STK38L: variants seen among roughly 807,000 people sequenced by gnomAD.
The protein encoded by STK38L is serine/threonine-protein kinase 38-like.
A neutral mutation model predicts 59.7 loss-of-function variants in STK38L; 28 were observed. That is an observed-to-expected ratio of 0.47 (90% CI 0.35 to 0.64). STK38L has a LOEUF of 0.64. Among genes scored for constraint, STK38L ranks in the 30% least tolerant of loss-of-function variants. STK38L has a pLI of 0.01. For synonymous variants in STK38L, 162 were observed against 176.8 expected (o/e 0.92, Z 0.66); for missense variants, 314 against 555.8 (o/e 0.56, Z 4.37).
intron 11 of STK38L, among the ~76,000 whole-genome samples, chr12:27,318,340 A>G (rs1400443985): frequency 6.6e-6 from 1 of 152,220 alleles, no homozygotes; most frequent in East Asian, 1.9e-4. Context: ...CCTGTCATGA[A>G]AAGTATATAT....
In STK38L at chr12:27,324,350, CCCA is replaced by C. The variant is rs1040381460; in HGVS notation, c.*1897_*1899del. On this transcript the variant is annotated 3_prime_UTR_variant, in exon 14 of 14. Transcript: ENST00000389032. ...GCTGAGGTTTATGAGATTTTCTCAC[CCCA>C]CATCGCTCCCCTTTTTTTAAAAAGG... is the stretch of plus-strand genomic sequence containing the variant. 14 of 151,858 alleles carry C rather than the reference CCCA, an allele frequency of 9.2e-5. No homozygotes were observed. Among genetic ancestry groups the C allele is most frequent in the African/African-American group, 3.4e-4 (14 of 41,348 alleles). The allele number at this position is 151,858 out of a possible 1,614,324, so 9.4% of individuals were successfully genotyped here. A position where few individuals can be genotyped will look rare whatever the true frequency, so the allele number is the denominator to read the frequency against.
In STK38L at chr12:27,271,535, G is replaced by GT. The variant is rs1943422767; in HGVS notation, c.-11-26175_-11-26174insT. Among the ~76,000 whole-genome samples, 4 of 152,106 alleles carry GT rather than the reference G, an allele frequency of 2.6e-5. No homozygotes were observed. In the South Asian group the frequency reaches 8.3e-4, roughly 32 times the overall value. On this transcript the variant is annotated intron_variant, in intron 1 of 13. Transcript: ENST00000389032. ...CTATATATGCCATATGCAGATGTTT[G>GT]GGGGGTAGTTAGTAGAGAATGGTTT...
chr12:27,303,967 A>T (rs898268262), intron 3 of STK38L, among the ~76,000 whole-genome samples: 1 of 152,166 alleles, frequency 6.6e-6, no homozygotes, highest in African/African-American at 2.4e-5. Flanking sequence ...AACCCAGATT[A>T]ATTAGTTTAA....
intron 1 of STK38L, among the ~76,000 whole-genome samples, chr12:27,253,282 TA>T (rs1443164495): frequency 3.3e-5 from 5 of 152,314 alleles, no homozygotes; most frequent in Admixed American, 1.3e-4. Context: ...CTTGGTACAT[TA>T]ATTACTTAGA....
intron 1 of STK38L, among the ~76,000 whole-genome samples, chr12:27,255,062 C>T (rs1052035258): frequency 6.6e-5 from 10 of 152,174 alleles, no homozygotes; most frequent in African/African-American, 2.4e-4. Context: ...AGACAGAAAT[C>T]AACATACTTT....
intron 1 of STK38L, among the ~76,000 whole-genome samples, chr12:27,252,634 A>G (rs1943001867): frequency 6.6e-6 from 1 of 152,204 alleles, no homozygotes; most frequent in Non-Finnish European, 1.5e-5. Flanking sequence ...GATCCATTTC[A>G]TTTGAACATT....
At chr12:27,314,975 C>A in intron 7 of STK38L, 40 bp from the exon 8 acceptor site, 1 of 1,477,978 alleles carries the variant, frequency 6.8e-7, no homozygotes, top group Non-Finnish European at 9.2e-7. Flanking sequence ...TTTTTGTTTT[C>A]AAAGTTAATA....
intron 1 of STK38L, among the ~76,000 whole-genome samples, chr12:27,288,210 T>C (rs1943819527): frequency 6.6e-6 from 1 of 152,210 alleles, no homozygotes; most frequent in African/African-American, 2.4e-5. Flanking sequence ...ATGAATGTTG[T>C]ACTCCATCTC....
Position 27,248,800 on chromosome 12 carries a change from G to T in STK38L, c.-12+4468G>T, listed in dbSNP as rs1273389789. On this transcript the variant is annotated intron_variant, in intron 1 of 13. Coordinates refer to ENST00000389032, the MANE Select transcript of STK38L (RefSeq NM_015000.4). ...AGCAGAACTAAAGCCAGGATTTAAA[G>T]CACGTGTGTTTATATTATTGAAATA... Among the ~76,000 whole-genome samples, 3 of 152,184 alleles carry T rather than the reference G, an allele frequency of 2.0e-5. No homozygotes were observed. In the East Asian group the frequency reaches 5.8e-4, roughly 29 times the overall value.
In STK38L at chr12:27,251,241, A is replaced by G. The variant is rs548374214; in HGVS notation, c.-12+6909A>G. 4.6e-5 allele frequency among the ~76,000 whole-genome samples: 7 copies of G among 152,252 alleles called. No individual in the cohort carries two copies. In the East Asian group the frequency reaches 1.2e-3, roughly 25 times the overall value. On this transcript the variant is annotated intron_variant, in intron 1 of 13. Transcript: ENST00000389032. The stretch of plus-strand genomic sequence containing the variant: ...GGGAAAAGTATGCAGAAATAATTCA[A>G]TTGTATTCTGATTTCTTATAGACAG...
intron 1 of STK38L, among the ~76,000 whole-genome samples, chr12:27,262,930 C>G (rs1349237616): frequency 4.0e-5 from 6 of 151,768 alleles, no homozygotes; most frequent in Admixed American, 1.3e-4. Flanking sequence ...TCCCGAGTAG[C>G]TGGGATTACA....
Position 27,322,795 on chromosome 12 carries a change from A to C in STK38L, c.*340A>C. 1 of 180,280 alleles carries C rather than the reference A, an allele frequency of 5.5e-6. No homozygotes were observed. The allele number at this position is 180,280 out of a possible 1,614,324, so 11.2% of individuals were successfully genotyped here. ...GTGGCTTTGAACTGTAACACCTCTAATCAATTCAGGAGAAACACATATCAT... is the reference window on the plus strand; with the variant it reads ...GTGGCTTTGAACTGTAACACCTCTACTCAATTCAGGAGAAACACATATCAT... On this transcript the variant is annotated 3_prime_UTR_variant, in exon 14 of 14. Transcript: ENST00000389032.
chr12:27,286,707 A>G (rs1330474426), intron 1 of STK38L, among the ~76,000 whole-genome samples: 2 of 152,224 alleles, frequency 1.3e-5, no homozygotes, highest in Non-Finnish European at 2.9e-5. Context: ...ATTATGTCAA[A>G]AAATAAAAAA....
intron 1 of STK38L, among the ~76,000 whole-genome samples, chr12:27,268,310 G>A (rs550845043): frequency 7.4e-5 from 11 of 149,180 alleles, no homozygotes; most frequent in Middle Eastern, 3.4e-3. Context: ...GATGTTCCCC[G>A]TCCTGTGTCC....
intron 1 of STK38L, among the ~76,000 whole-genome samples, chr12:27,262,641 G>A (rs113130921): frequency 6.6e-6 from 1 of 151,058 alleles, no homozygotes; most frequent in Non-Finnish European, 1.5e-5. Flanking sequence ...GGAGTTTAAG[G>A]CTGCAGTGAG....
chr12:27,319,574 G>A, intron 12 of STK38L, 151 bp downstream of exon 12: 2 of 527,190 alleles, frequency 3.8e-6, no homozygotes, highest in Non-Finnish European at 6.7e-6. Context: ...TAAGTGAGTG[G>A]GACTATTGTG....
intron 1 of STK38L, among the ~76,000 whole-genome samples, chr12:27,253,391 T>C (rs908920062): frequency 5.3e-5 from 8 of 151,888 alleles, no homozygotes; most frequent in Admixed American, 2.0e-4. Flanking sequence ...GTGATAATAA[T>C]GAAGTTCTAA....
At chr12:27,294,513 A>G (rs981534663) in intron 1 of STK38L, among the ~76,000 whole-genome samples, 5 of 151,682 alleles carry the variant, frequency 3.3e-5, no homozygotes, top group African/African-American at 1.2e-4. Flanking sequence ...TCAAAAAAAA[A>G]AAAAAAAAAG....
intron 1 of STK38L, among the ~76,000 whole-genome samples, chr12:27,278,104 T>G (rs1943576752): frequency 6.6e-6 from 1 of 152,252 alleles, no homozygotes; most frequent in African/African-American, 2.4e-5. Context: ...GGCCACAGTT[T>G]AGGCATATGA....
Sources: allele counts gnomAD v4.1 joint callset (sites outside exome capture counted in the v4.1 genomes callset), GRCh38; gene constraint gnomAD v4.1.1; transcripts MANE v1.5; gene names NCBI Gene and HGNC (gene_info 2026-07-23, HGNC 2026-07-21).